Variants in ZNF230 observed in about 807,000 individuals in gnomAD.
The protein encoded by ZNF230 is zinc finger protein 230, also known as zinc finger protein FDZF2.
A neutral mutation model predicts 10.0 loss-of-function variants in ZNF230; 12 were observed. The ratio of observed to expected loss-of-function variants is 1.20; its 90% CI spans 0.77 to 1.95. ZNF230 has a LOEUF of 1.95. ZNF230 is among the 30% of genes most tolerant of loss of function. The pLI, the probability that ZNF230 is intolerant of heterozygous loss-of-function variation, is 0.00. For synonymous variants in ZNF230, 174 were observed against 193.6 expected, an observed-to-expected ratio of 0.90 and a Z score of 0.84; for missense variants, 532 against 565.8, an observed-to-expected ratio of 0.94 and a Z score of 0.61.
chr19:44,004,725 C>CAAAAA (rs754318339), intron 1 of ZNF230: 3 of 63,028 alleles, frequency 4.8e-5, no homozygotes, highest in Admixed American at 1.7e-4. Context: ...GAGTGAGACT[C>CAAAAA]AAAAAAAAAA....
chr19:44,008,192 A>C (rs918700891), intron 2 of ZNF230, among the ~76,000 whole-genome samples: 1 of 152,168 alleles, frequency 6.6e-6, no homozygotes, highest in Non-Finnish European at 1.5e-5. Flanking sequence ...CTCTAACTCA[A>C]GATATTATCT....
chr19:44,003,082 A>T lies in ZNF230; in HGVS notation c.-94A>T, dbSNP rs1976082825. On this transcript the variant is annotated 5_prime_UTR_variant, in exon 1 of 5. Transcript: ENST00000429154. ...CGATGATCGATGATCCAAGCAAGGGAAAAGAAGCCTTGGCGGAGAGCGGAG... is the reference window on the plus strand; with the variant it reads ...CGATGATCGATGATCCAAGCAAGGGTAAAGAAGCCTTGGCGGAGAGCGGAG... 6.6e-6 allele frequency: 1 copy of T among 152,380 alleles called. No homozygotes were observed. Among genetic ancestry groups the T allele is most frequent in the South Asian group, 2.0e-4 (1 of 5,060 alleles). 9.4% of individuals were successfully genotyped at this position (152,380 alleles called of 1,614,324 possible). A position where few individuals can be genotyped will look rare whatever the true frequency, so the allele number is the denominator to read the frequency against.
At chr19:44,006,140 G>T (rs1976121414) in intron 1 of ZNF230, among the ~76,000 whole-genome samples, 1 of 151,718 alleles carries the variant, frequency 6.6e-6, no homozygotes, top group Non-Finnish European at 1.5e-5. Context: ...ATGTATTGTT[G>T]GTAAGGATAT....
In ZNF230 at chr19:44,012,568, A is replaced by G. The variant is rs1022010989; in HGVS notation, c.*1104A>G. 2.1e-6 allele frequency: 1 copy of G among 476,998 alleles called. No individual in the cohort carries two copies. The highest frequency in any genetic ancestry group is 2.0e-5 in the African/African-American group (1 of 50,294). The allele number at this position is 476,998 out of a possible 1,614,324, so 29.5% of individuals were successfully genotyped here. A position where few individuals can be genotyped will look rare whatever the true frequency, so the allele number is the denominator to read the frequency against. ...TGTCATTCAGGAGACAGGCCTTAGA[A>G]TAAGAGTTTGTTCACACATTTACAA... On this transcript the variant is annotated 3_prime_UTR_variant, in exon 5 of 5. Transcript: ENST00000429154.
intron 1 of ZNF230, chr19:44,003,508 G>T (rs545614178): frequency 6.6e-6 from 1 of 152,354 alleles, no homozygotes; most frequent in Non-Finnish European, 1.5e-5. Context: ...AGCTTCAGCT[G>T]CAGGGGCCCT....
Position 44,013,085 on chromosome 19 carries a change from T to A in ZNF230, c.*1621T>A, listed in dbSNP as rs1976204476. 1 of 152,290 alleles carries A rather than the reference T, an allele frequency of 6.6e-6. No individual in the cohort carries two copies. Among genetic ancestry groups the A allele is most frequent in the Non-Finnish European group, 1.5e-5 (1 of 68,060 alleles). The allele number at this position is 152,290 out of a possible 1,614,324, so 9.4% of individuals were successfully genotyped here. On this transcript the variant is annotated 3_prime_UTR_variant, in exon 5 of 5. Transcript: ENST00000429154. ...AGGCAAAATTTATAGTAATACTTTT[T>A]ACGTGGCAGATGTAGTTACGTTGGA...
At chr19:44,009,256 G>T in intron 4 of ZNF230, 86 bp downstream of exon 4, 1 of 1,418,530 alleles carries the variant, frequency 7.0e-7, no homozygotes, top group South Asian at 1.2e-5. Flanking sequence ...ATATCACCCT[G>T]ATCTAAATTG....
In ZNF230 at chr19:44,010,576, C is replaced by T. The variant is rs549202889; in HGVS notation, c.537C>T (p.Tyr179=). ...TCNECGKSFC[Y]ISALRIHQRV... is the part of the protein sequence containing the mutation. Reference sequence around the variant, plus strand: ...ATGAGTGTGGAAAAAGCTTCTGTTACATCTCAGCTCTTCGTATTCACCAGA... The same window carrying T: ...ATGAGTGTGGAAAAAGCTTCTGTTATATCTCAGCTCTTCGTATTCACCAGA... Residue 179 remains tyrosine (Y), a synonymous_variant, in exon 5 of 5, where the codon TAC becomes TAT. Coordinates refer to ENST00000429154, the MANE Select transcript of ZNF230 (RefSeq NM_006300.4). 1.9e-6 allele frequency: 3 copies of T among 1,614,218 alleles called. No individual in the cohort carries two copies. The highest frequency in any genetic ancestry group is 2.2e-5 in the South Asian group (2 of 91,090).
At position 44,011,526 on chromosome 19, in the gene ZNF230, C is replaced by A; in HGVS notation, c.*62C>A. The A allele has an allele frequency of 1.4e-6, 2 of 1,419,658 alleles. No homozygotes were observed. The highest frequency in any genetic ancestry group is 2.7e-5 in the South Asian group (2 of 75,140). 87.9% of individuals were successfully genotyped at this position (1,419,658 alleles called of 1,614,324 possible). On this transcript the variant is annotated 3_prime_UTR_variant, in exon 5 of 5. Transcript: ENST00000429154. ...ATATGTGTATATAATACGTAATGAT[C>A]AAATTGATGTAATTAGTGTATTACC...
In ZNF230 at chr19:44,011,625, AATT is replaced by A. The variant is rs1316528533; in HGVS notation, c.*165_*167del. On this transcript the variant is annotated 3_prime_UTR_variant, in exon 5 of 5. Transcript: ENST00000429154. ...TCTAGCGATTTGAAAAGAAACAATA[AATT>A]ATTGTTGATTATAGTCACCTTTGGT... The A allele has an allele frequency of 1.3e-6, 1 of 795,616 alleles. No individual in the cohort carries two copies. Among genetic ancestry groups the A allele is most frequent in the East Asian group, 2.9e-5 (1 of 34,950 alleles). 49.3% of individuals were successfully genotyped at this position (795,616 alleles called of 1,614,324 possible). A position where few individuals can be genotyped will look rare whatever the true frequency, so the allele number is the denominator to read the frequency against.
chr19:44,004,296 A>C (rs1011779444), intron 1 of ZNF230: 6 of 152,228 alleles, frequency 3.9e-5, no homozygotes, highest in African/African-American at 1.4e-4. Flanking sequence ...GTAACTGTTA[A>C]GCTTCTAATT....
intron 2 of ZNF230, among the ~76,000 whole-genome samples, chr19:44,008,192 A>G (rs918700891): frequency 2.0e-5 from 3 of 152,168 alleles, no homozygotes; most frequent in Non-Finnish European, 2.9e-5. Flanking sequence ...CTCTAACTCA[A>G]GATATTATCT....
Position 44,008,804 on chromosome 19 carries a change from C to T in ZNF230, c.30C>T (p.Phe10=), listed in dbSNP as rs1238410036. 1 of 1,613,766 alleles carries T rather than the reference C, an allele frequency of 6.2e-7. No individual in the cohort carries two copies. Among genetic ancestry groups the T allele is most frequent in the Non-Finnish European group, 8.5e-7 (1 of 1,179,878 alleles). Residue 10 remains phenylalanine (F), a synonymous_variant, in exon 3 of 5, where the codon TTC becomes TTT. Transcript: ENST00000429154. MTTFKEAVT[F]KDVAVFFTEE... ...TGATGTTATAGGAGGCAGTGACCTT[C>T]AAGGATGTGGCTGTGTTCTTCACTG...
chr19:44,011,460 T>G lies in ZNF230; in HGVS notation c.1421T>G (p.Met474Arg). The change falls in exon 5 of 5, where the codon ATG (methionine) becomes AGG (arginine). Residue 474 changes from methionine to arginine, a missense_variant. By Grantham distance (91) the Met-to-Arg change is moderately conservative (BLOSUM62 -1). Coordinates refer to ENST00000429154, the MANE Select transcript of ZNF230 (RefSeq NM_006300.4). ...ATTTTATCATTATTTTTAAATGATA[T>G]GTAAGTTGTACATATATATGGGATA... The part of the protein sequence containing the change: ...DIILSLFLND[M>R] 6.3e-7 allele frequency: 1 copy of G among 1,582,560 alleles called. No individual in the cohort carries two copies. The highest frequency in any genetic ancestry group is 8.6e-7 in the Non-Finnish European group (1 of 1,166,936).
Position 44,010,559 on chromosome 19 carries a change from G to A in ZNF230, c.520G>A (p.Gly174Arg), listed in dbSNP as rs1241388162. 1.2e-6 allele frequency: 2 copies of A among 1,614,212 alleles called. No individual in the cohort carries two copies. The highest frequency in any genetic ancestry group is 1.7e-6 in the Non-Finnish European group (2 of 1,180,036). The change falls in exon 5 of 5, where the codon GGA becomes AGA. Residue 174 changes from glycine to arginine, a missense_variant. Physicochemically the swap from Gly to Arg is moderately radical, Grantham distance 125. Transcript: ENST00000429154. ...GAAGTCTCATACATGCAATGAGTGT[G>A]GAAAAAGCTTCTGTTACATCTCAGC... Reference protein sequence around the residue: ...GEKSHTCNECGKSFCYISALR... With the variant: ...GEKSHTCNECRKSFCYISALR...
rs527500540 is a variant in ZNF230, at chr19:44,012,652, T to C, written c.*1188T>C. ...CACTAGAATGTCAACTACAGGTACC[T>C]TGTTTTCTGCATCCTCAGGACCTTA... On this transcript the variant is annotated 3_prime_UTR_variant, in exon 5 of 5. Transcript: ENST00000429154. 5.1e-5 allele frequency: 18 copies of C among 350,992 alleles called. No homozygotes were observed. The East Asian group carries it at 1.4e-3, about 28-fold the overall frequency. The allele number at this position is 350,992 out of a possible 1,614,324, so 21.7% of individuals were successfully genotyped here.
chr19:44,010,384 C>A lies in ZNF230; in HGVS notation c.345C>A (p.His115Gln). ...QSQDSIINNS[H>Q]FFEQGDVPSQ... ...AAGACTCCATCATAAATAATTCTCA[C>A]TTCTTTGAACAAGGTGATGTCCCCT... The change falls in exon 5 of 5, where the codon CAC becomes CAA. Residue 115 changes from histidine to glutamine, a missense_variant. His to Gln is a conservative substitution (Grantham distance 24). Coordinates refer to ENST00000429154, the MANE Select transcript of ZNF230 (RefSeq NM_006300.4). 6.2e-7 allele frequency: 1 copy of A among 1,614,218 alleles called. No homozygotes were observed. Among genetic ancestry groups the A allele is most frequent in the Non-Finnish European group, 8.5e-7 (1 of 1,180,030 alleles).
chr19:44,006,629 T>G (rs1976126721), intron 1 of ZNF230: 1 of 153,322 alleles, frequency 6.5e-6, no homozygotes, highest in African/African-American at 2.4e-5. Context: ...AACCTCATTC[T>G]CACCCCAAAT....
chr19:44,012,270 T>G lies in ZNF230; in HGVS notation c.*806T>G. On this transcript the variant is annotated 3_prime_UTR_variant, in exon 5 of 5. Coordinates refer to ENST00000429154, the MANE Select transcript of ZNF230 (RefSeq NM_006300.4). ...TAGTAATGAGGTGTGTGATAAAGTCTCTGCTCAGTTGTCTATAATCTCATT... is the reference window on the plus strand; with the variant it reads ...TAGTAATGAGGTGTGTGATAAAGTCGCTGCTCAGTTGTCTATAATCTCATT... 14 of 423,756 alleles carry G rather than the reference T, an allele frequency of 3.3e-5. No homozygotes were observed. Among genetic ancestry groups the G allele is most frequent in the South Asian group, 2.5e-4 (14 of 56,028 alleles). The allele number at this position is 423,756 out of a possible 1,614,324, so 26.2% of individuals were successfully genotyped here. A position where few individuals can be genotyped will look rare whatever the true frequency, so the allele number is the denominator to read the frequency against.
Sources: gnomAD v4.1 joint callset for allele counts (sites outside exome capture counted in the v4.1 genomes callset) on GRCh38, gnomAD v4.1.1 for gene constraint, MANE v1.5 for transcripts, NCBI Gene and HGNC (gene_info 2026-07-23, HGNC 2026-07-21) for gene names.